PACSIN2: variants seen among roughly 807,000 people sequenced by gnomAD.
The protein encoded by PACSIN2 is protein kinase C and casein kinase substrate in neurons 2, also known as protein kinase C and casein kinase substrate in neurons protein 2.
In PACSIN2, 25 loss-of-function variants were observed where a neutral mutation model predicts 63.8. The observed-to-expected ratio is 0.39, with a 90% confidence interval of 0.29 to 0.55. The LOEUF is 0.55. Ranked by LOEUF, PACSIN2 falls within the 20% of genes least tolerant of loss-of-function variation. The probability of loss-of-function intolerance (pLI) is 0.62; values close to 1 mark genes in which losing one functional copy is unlikely to be tolerated. For synonymous variants in PACSIN2, 255 were observed against 256.2 expected, an observed-to-expected ratio of 1.00 and a Z score of 0.05; for missense variants, 518 against 646.9, an observed-to-expected ratio of 0.80 and a Z score of 2.16.
chr22:43,014,339 C>CG, intron 1 of PACSIN2, among the ~76,000 whole-genome samples: 1 of 139,088 alleles, frequency 7.2e-6, no homozygotes, highest in African/African-American at 2.7e-5. Context: ...CACACACACA[C>CG]ACACACACAC....
At chr22:42,985,467 C>G (rs1333644773) in intron 1 of PACSIN2, among the ~76,000 whole-genome samples, 1 of 152,240 alleles carries the variant, frequency 6.6e-6, no homozygotes, top group Admixed American at 6.5e-5. Context: ...TGGCCCCCCA[C>G]TGGCCTCACT....
At chr22:42,995,344 G>A (rs772500652) in intron 1 of PACSIN2, among the ~76,000 whole-genome samples, 8 of 152,212 alleles carry the variant, frequency 5.3e-5, no homozygotes, top group Non-Finnish European at 8.8e-5. Flanking sequence ...GCTGCTTTTG[G>A]TGCCAGGAGG....
At chr22:42,964,706 A>G (rs1409692835) in intron 1 of PACSIN2, among the ~76,000 whole-genome samples, 4 of 152,116 alleles carry the variant, frequency 2.6e-5, no homozygotes, top group Non-Finnish European at 5.9e-5. Flanking sequence ...CAGGTGATCC[A>G]TCGGCAGCAG....
chr22:42,879,911 G>A (rs2146640883), intron 7 of PACSIN2, among the ~76,000 whole-genome samples: 1 of 152,260 alleles, frequency 6.6e-6, no homozygotes, highest in East Asian at 1.9e-4. Flanking sequence ...ACATGCTGGG[G>A]CTAACGAAGC....
At chr22:42,880,710 CAG>C (rs1218326285) in intron 7 of PACSIN2, 2 of 152,252 alleles carry the variant, frequency 1.3e-5, no homozygotes, top group African/African-American at 4.8e-5. Flanking sequence ...AATGAATGCA[CAG>C]GGGCTGGTTC....
intron 2 of PACSIN2, among the ~76,000 whole-genome samples, chr22:42,906,378 G>A (rs542669831): frequency 1.8e-4 from 28 of 152,312 alleles, no homozygotes; most frequent in African/African-American, 6.0e-4. Flanking sequence ...TTTCATAAGC[G>A]TCCAAGCATT....
chr22:42,976,008 G>T lies in PACSIN2; in HGVS notation c.-78+39013C>A, dbSNP rs191948364. On this transcript the variant is annotated intron_variant, in intron 1 of 10. Coordinates refer to ENST00000263246, the MANE Select transcript of PACSIN2 (RefSeq NM_001184970.3). Reference sequence around the variant, plus strand: ...CCCCATGGCTTTCCAGGCCAGTCTGGAAGGTCCAATCTGAGCTGAAACCCT... The same window carrying T: ...CCCCATGGCTTTCCAGGCCAGTCTGTAAGGTCCAATCTGAGCTGAAACCCT... Among the ~76,000 whole-genome samples, 9 of 152,308 alleles carry T rather than the reference G, an allele frequency of 5.9e-5. No homozygotes were observed. In the East Asian group the frequency reaches 1.5e-3, roughly 26 times the overall value.
intron 5 of PACSIN2, among the ~76,000 whole-genome samples, chr22:42,886,383 G>GGC (rs1929477107): frequency 6.6e-6 from 1 of 152,154 alleles, no homozygotes; most frequent in Non-Finnish European, 1.5e-5. Context: ...AAACATGAAA[G>GGC]TACATGTGCA....
At chr22:42,920,241 C>G (rs894909987) in intron 1 of PACSIN2, among the ~76,000 whole-genome samples, 1 of 152,294 alleles carries the variant, frequency 6.6e-6, no homozygotes, top group South Asian at 2.1e-4. Context: ...GGAGACTGTT[C>G]CTGCACACAC....
chr22:42,978,574 C>T (rs1265241949), intron 1 of PACSIN2, among the ~76,000 whole-genome samples: 1 of 152,212 alleles, frequency 6.6e-6, no homozygotes, highest in Non-Finnish European at 1.5e-5. Flanking sequence ...CACCCACCCA[C>T]ACAGAGCAGA....
At chr22:42,899,998 C>T (rs779419281) in intron 2 of PACSIN2, among the ~76,000 whole-genome samples, 6 of 152,172 alleles carry the variant, frequency 3.9e-5, no homozygotes, top group Admixed American at 6.5e-5. Flanking sequence ...GAGACAGGAA[C>T]GGTTATTGAT....
intron 1 of PACSIN2, among the ~76,000 whole-genome samples, chr22:42,922,939 C>T (rs1007098146): frequency 6.6e-6 from 1 of 152,056 alleles, no homozygotes; most frequent in African/African-American, 2.4e-5. Flanking sequence ...AGATAGAATG[C>T]GAGCTCTCTG....
intron 1 of PACSIN2, among the ~76,000 whole-genome samples, chr22:42,957,745 G>A (rs2146843027): frequency 6.6e-6 from 1 of 152,252 alleles, no homozygotes; most frequent in East Asian, 1.9e-4. Context: ...CTAAAGGTTT[G>A]GGGTTTCCCT....
At chr22:42,957,531 G>T (rs1009383796) in intron 1 of PACSIN2, among the ~76,000 whole-genome samples, 1 of 152,186 alleles carries the variant, frequency 6.6e-6, no homozygotes, top group Non-Finnish European at 1.5e-5. Context: ...CTGAATTTCA[G>T]AGGATTCAAA....
At chr22:42,877,485 T>A (rs1928734515) in intron 8 of PACSIN2, among the ~76,000 whole-genome samples, 3 of 152,160 alleles carry the variant, frequency 2.0e-5, no homozygotes, top group Admixed American at 2.0e-4. Context: ...GGCCTCCTCC[T>A]GACTACTAAG....
At chr22:42,892,440 T>G (rs1227165543) in intron 3 of PACSIN2, among the ~76,000 whole-genome samples, 1 of 152,122 alleles carries the variant, frequency 6.6e-6, no homozygotes, top group Non-Finnish European at 1.5e-5. Flanking sequence ...ATGAGCACAT[T>G]CCTGTCCTGT....
intron 1 of PACSIN2, among the ~76,000 whole-genome samples, chr22:42,969,156 G>A (rs1042038534): frequency 6.6e-5 from 10 of 152,134 alleles, no homozygotes. Flanking sequence ...CAACTTAAAA[G>A]ACATGGTCAC....
chr22:42,998,395 A>G (rs898689930), intron 1 of PACSIN2, among the ~76,000 whole-genome samples: 1 of 152,148 alleles, frequency 6.6e-6, no homozygotes, highest in Non-Finnish European at 1.5e-5. Context: ...TCTCCCCAAC[A>G]TGCCCTGACG....
chr22:43,004,849 C>A (rs913238276), intron 1 of PACSIN2, among the ~76,000 whole-genome samples: 2 of 152,218 alleles, frequency 1.3e-5, no homozygotes, highest in Admixed American at 1.3e-4. Context: ...ATATGGGGTC[C>A]TGGCAGGTGG....
Sources: allele counts gnomAD v4.1 joint callset (sites outside exome capture counted in the v4.1 genomes callset), GRCh38; gene constraint gnomAD v4.1.1; transcripts MANE v1.5; gene names NCBI Gene and HGNC (gene_info 2026-07-23, HGNC 2026-07-21).